Variants in CNTNAP5 observed in about 807,000 individuals in gnomAD.
CNTNAP5 encodes contactin associated protein family member 5.
In CNTNAP5, 72 loss-of-function variants were observed where a neutral mutation model predicts 150.2. The observed-to-expected ratio is 0.48, with a 90% CI of 0.40 to 0.58. The LOEUF is 0.58. Ranked by LOEUF, CNTNAP5 falls within the 20% of genes least tolerant of loss-of-function variation. The pLI, the probability that CNTNAP5 is intolerant of heterozygous loss-of-function variation, is 0.00. For synonymous variants in CNTNAP5, 672 were observed against 619.8 expected (o/e 1.08, Z -1.25); for missense variants, 1,636 against 1,626.2 (o/e 1.01, Z -0.10).
intron 13 of CNTNAP5, among the ~76,000 whole-genome samples, chr2:124,712,818 G>T (rs1303118549): frequency 2.0e-5 from 3 of 151,676 alleles, no homozygotes; most frequent in Non-Finnish European, 4.4e-5. Flanking sequence ...TGCAATTGTA[G>T]CTCACTGAAG....
chr2:124,429,592 T>C (rs903895571), intron 4 of CNTNAP5, among the ~76,000 whole-genome samples: 3 of 151,932 alleles, frequency 2.0e-5, no homozygotes, highest in Non-Finnish European at 4.4e-5. Context: ...AAGTGCAGAG[T>C]GTTTGGCTGA....
intron 1 of CNTNAP5, among the ~76,000 whole-genome samples, chr2:124,119,680 G>A (rs1232271912): frequency 6.6e-6 from 1 of 152,036 alleles, no homozygotes. Flanking sequence ...GACCTAGGAG[G>A]GATGATCATT....
chr2:124,029,321 T>G (rs1680978561), intron 1 of CNTNAP5, among the ~76,000 whole-genome samples: 1 of 152,072 alleles, frequency 6.6e-6, no homozygotes, highest in African/African-American at 2.4e-5. Flanking sequence ...CGCTGGTTTT[T>G]TCAGCAGCAA....
chr2:124,739,776 A>G (rs1348724152), intron 13 of CNTNAP5, among the ~76,000 whole-genome samples: 1 of 152,130 alleles, frequency 6.6e-6, no homozygotes. Context: ...CCTCTGCTCA[A>G]ATGCCATCAT....
intron 8 of CNTNAP5, among the ~76,000 whole-genome samples, chr2:124,507,779 C>G (rs1008044891): frequency 5.3e-5 from 8 of 152,188 alleles, no homozygotes; most frequent in African/African-American, 1.9e-4. Flanking sequence ...TCTTTTGGAA[C>G]AGCCCTCTCA....
chr2:124,174,732 A>G (rs746959062), intron 1 of CNTNAP5, among the ~76,000 whole-genome samples: 3 of 152,200 alleles, frequency 2.0e-5, no homozygotes, highest in Non-Finnish European at 2.9e-5. Context: ...ATTTGAGAGG[A>G]TTTACTCAAA....
chr2:124,354,803 AT>A (rs933434482), intron 3 of CNTNAP5, among the ~76,000 whole-genome samples: 12 of 152,044 alleles, frequency 7.9e-5, no homozygotes, highest in African/African-American at 2.9e-4. Flanking sequence ...TTCTGACTAG[AT>A]TTTTTTATTT....
intron 3 of CNTNAP5, among the ~76,000 whole-genome samples, chr2:124,372,916 A>G (rs1276271827): frequency 6.6e-6 from 1 of 152,158 alleles, no homozygotes; most frequent in African/African-American, 2.4e-5. Context: ...TGTGAGGAAG[A>G]TATGCTATGA....
At chr2:124,720,256 A>C (rs966727499) in intron 13 of CNTNAP5, among the ~76,000 whole-genome samples, 2 of 152,104 alleles carry the variant, frequency 1.3e-5, no homozygotes, top group African/African-American at 4.8e-5. Context: ...TTTGCTGTTG[A>C]CTAATTTTAT....
chr2:124,466,577 A>G (rs1307774339), intron 6 of CNTNAP5, among the ~76,000 whole-genome samples: 1 of 152,218 alleles, frequency 6.6e-6, no homozygotes, highest in Non-Finnish European at 1.5e-5. Context: ...TGTACCAAAC[A>G]ATTGGAATTA....
chr2:124,555,314 G>A (rs551576217), intron 10 of CNTNAP5, among the ~76,000 whole-genome samples: 1 of 152,292 alleles, frequency 6.6e-6, no homozygotes, highest in Admixed American at 6.5e-5. Flanking sequence ...TAAGGAAGAC[G>A]TGTAATGTGC....
chr2:124,853,347 T>C lies in CNTNAP5; in HGVS notation c.3218-11959T>C, dbSNP rs1049550341. Reference sequence around the variant, plus strand: ...TCCCCCTTTACAGAAACAGGTAAAATTTCCTTGGCATTCCTTGCCAGTGTG... The same window carrying C: ...TCCCCCTTTACAGAAACAGGTAAAACTTCCTTGGCATTCCTTGCCAGTGTG... On this transcript the variant is annotated intron_variant, in intron 19 of 23. Transcript: ENST00000682447. Among the ~76,000 whole-genome samples the C allele has an allele frequency of 4.6e-5, 7 of 152,172 alleles. No homozygotes were observed. The East Asian group carries it at 1.4e-3, about 29-fold the overall frequency.
chr2:124,758,843 C>T (rs1680896599), intron 14 of CNTNAP5, among the ~76,000 whole-genome samples: 1 of 152,072 alleles, frequency 6.6e-6, no homozygotes. Context: ...GGATAAAATA[C>T]TAGCCATGGA....
intron 6 of CNTNAP5, among the ~76,000 whole-genome samples, chr2:124,471,966 G>C (rs916412339): frequency 2.0e-5 from 3 of 151,964 alleles, no homozygotes; most frequent in African/African-American, 4.8e-5. Context: ...AATATTTGTG[G>C]AATTTACAAG....
At chr2:124,029,899 A>T (rs1680999106) in intron 1 of CNTNAP5, among the ~76,000 whole-genome samples, 1 of 152,142 alleles carries the variant, frequency 6.6e-6, no homozygotes, top group Non-Finnish European at 1.5e-5. Flanking sequence ...AAGGTGGAGA[A>T]AAGATCTAGT....
At chr2:124,164,568 A>G (rs1192565482) in intron 1 of CNTNAP5, among the ~76,000 whole-genome samples, 1 of 152,144 alleles carries the variant, frequency 6.6e-6, no homozygotes, top group Non-Finnish European at 1.5e-5. Flanking sequence ...GGTTTTGGAG[A>G]AGAAAATTCT....
At chr2:124,309,824 A>G (rs1048435436) in intron 3 of CNTNAP5, among the ~76,000 whole-genome samples, 2 of 152,242 alleles carry the variant, frequency 1.3e-5, no homozygotes, top group African/African-American at 4.8e-5. Flanking sequence ...CATAGAATCA[A>G]CAAAATATCG....
intron 3 of CNTNAP5, among the ~76,000 whole-genome samples, chr2:124,355,940 A>T (rs1689988449): frequency 6.6e-6 from 1 of 152,194 alleles, no homozygotes; most frequent in African/African-American, 2.4e-5. Context: ...AGATGTTGTA[A>T]CACGTCTGCA....
At chr2:124,375,329 A>G (rs970881440) in intron 3 of CNTNAP5, among the ~76,000 whole-genome samples, 53 of 152,172 alleles carry the variant, frequency 3.5e-4, no homozygotes, top group African/African-American at 1.2e-3. Context: ...TAACATCACC[A>G]ATGAAAAAGC....
Sources: gnomAD v4.1 joint callset for allele counts (sites outside exome capture counted in the v4.1 genomes callset) on GRCh38, gnomAD v4.1.1 for gene constraint, MANE v1.5 for transcripts, NCBI Gene and HGNC (gene_info 2026-07-23, HGNC 2026-07-21) for gene names.